Variants in CEMIP observed in about 807,000 individuals in gnomAD.
CEMIP encodes the protein cell migration inducing hyaluronidase 1.
In CEMIP, 105 loss-of-function variants were observed where a neutral mutation model predicts 156.9. The ratio of observed to expected loss-of-function variants is 0.67; its 90% CI spans 0.57 to 0.79. The LOEUF is 0.79. CEMIP is among the 30% of genes least tolerant of loss of function. The probability of loss-of-function intolerance (pLI) is 0.00; values close to 1 mark genes in which losing one functional copy is unlikely to be tolerated. For missense variants in CEMIP, 1,457 were observed against 1,769.4 expected (o/e 0.82, Z 3.17); for synonymous variants, 676 against 668.4 (o/e 1.01, Z -0.17).
intron 14 of CEMIP, among the ~76,000 whole-genome samples, chr15:80,911,387 A>C (rs1285574059): frequency 2.0e-5 from 3 of 152,230 alleles, no homozygotes. Context: ...ATTTTTGTTG[A>C]AGTTCTATTC....
At chr15:80,877,575 C>T (rs1440686379) in intron 3 of CEMIP, among the ~76,000 whole-genome samples, 1 of 152,200 alleles carries the variant, frequency 6.6e-6, no homozygotes, top group African/African-American at 2.4e-5. Flanking sequence ...TGTCCATTGT[C>T]TCTTCCCACC....
At chr15:80,799,294 G>A (rs1189980163) in intron 1 of CEMIP, among the ~76,000 whole-genome samples, 1 of 152,210 alleles carries the variant, frequency 6.6e-6, no homozygotes, top group African/African-American at 2.4e-5. Context: ...GTGAGCACGA[G>A]ATCTAGGCAG....
intron 1 of CEMIP, among the ~76,000 whole-genome samples, chr15:80,804,087 G>T (rs191513390): frequency 6.6e-6 from 1 of 152,184 alleles, no homozygotes; most frequent in Non-Finnish European, 1.5e-5. Context: ...CAGATCTTGC[G>T]ATACTTATTC....
chr15:80,922,383 G>T (rs942168899), intron 17 of CEMIP, among the ~76,000 whole-genome samples: 11 of 152,266 alleles, frequency 7.2e-5, no homozygotes, highest in Non-Finnish European at 1.6e-4. Context: ...GCCAAAAGGA[G>T]CAAGTTGTGC....
chr15:80,882,139 G>A (rs1023358601), intron 6 of CEMIP, among the ~76,000 whole-genome samples: 4 of 152,180 alleles, frequency 2.6e-5, no homozygotes, highest in Admixed American at 6.5e-5. Context: ...AGCCAGCTAC[G>A]GTCAGGGGCA....
At chr15:80,886,448 T>C (rs2141839179) in intron 7 of CEMIP, among the ~76,000 whole-genome samples, 1 of 152,272 alleles carries the variant, frequency 6.6e-6, no homozygotes, top group South Asian at 2.1e-4. Flanking sequence ...TAAACACCGT[T>C]CAATAGTGAT....
At chr15:80,836,899 C>A (rs1362760494) in intron 1 of CEMIP, among the ~76,000 whole-genome samples, 1 of 152,218 alleles carries the variant, frequency 6.6e-6, no homozygotes, top group Non-Finnish European at 1.5e-5. Context: ...AAGGGCTAAG[C>A]AGTGGAGTCC....
At chr15:80,889,310 A>G (rs948999885) in intron 9 of CEMIP, among the ~76,000 whole-genome samples, 161 bp from the exon 10 acceptor site, 1 of 152,274 alleles carries the variant, frequency 6.6e-6, no homozygotes, top group African/African-American at 2.4e-5. Context: ...ACATGGGAGC[A>G]TAGGCAGATT....
intron 1 of CEMIP, among the ~76,000 whole-genome samples, chr15:80,859,123 C>G (rs752102610): frequency 6.6e-6 from 1 of 152,212 alleles, no homozygotes; most frequent in Non-Finnish European, 1.5e-5. Context: ...CTGCACCAAT[C>G]ACAGCAGCCA....
intron 14 of CEMIP, among the ~76,000 whole-genome samples, chr15:80,914,880 T>C (rs921689724): frequency 1.3e-5 from 2 of 151,468 alleles, no homozygotes; most frequent in Non-Finnish European, 2.9e-5. Flanking sequence ...TCCCCCAAAA[T>C]TGGGGGATCA....
intron 1 of CEMIP, among the ~76,000 whole-genome samples, chr15:80,851,158 G>A (rs1343306265): frequency 6.6e-6 from 1 of 152,022 alleles, no homozygotes; most frequent in Non-Finnish European, 1.5e-5. Context: ...TGACTATGTG[G>A]GAGGGGGAGG....
rs1898585334 is a variant in CEMIP, at chr15:80,879,786, A to T, written c.312A>T (p.Gly104=). 2 of 1,614,176 alleles carry T rather than the reference A, an allele frequency of 1.2e-6. No individual in the cohort carries two copies. The highest frequency in any genetic ancestry group is 8.5e-7 in the Non-Finnish European group (1 of 1,180,016). ...LRTRHILIDN[G]GELHAGSALC... ...CCCGGCACATCCTGATTGACAACGGAGGAGAGCTGCATGCTGGGAGTGCCC... is the reference window on the plus strand; with the variant it reads ...CCCGGCACATCCTGATTGACAACGGTGGAGAGCTGCATGCTGGGAGTGCCC... The change falls in exon 5 of 30, where the codon GGA becomes GGT. Residue 104 remains glycine, a synonymous_variant. Transcript: ENST00000394685.
At chr15:80,927,361 C>G (rs1304115221) in intron 19 of CEMIP, among the ~76,000 whole-genome samples, 3 of 152,148 alleles carry the variant, frequency 2.0e-5, no homozygotes, top group Non-Finnish European at 4.4e-5. Context: ...CTGCCAGGCT[C>G]CTCATCCCTA....
At chr15:80,940,121 AT>A (rs1269850235) in intron 25 of CEMIP, among the ~76,000 whole-genome samples, 1 of 152,238 alleles carries the variant, frequency 6.6e-6, no homozygotes, top group African/African-American at 2.4e-5. Context: ...GTGCACAGCC[AT>A]CAGTAGCGCT....
chr15:80,948,850 C>G lies in CEMIP; in HGVS notation c.4012C>G (p.Leu1338Val), dbSNP rs201048326. The change falls in exon 30 of 30, where the codon CTG (leucine) becomes GTG (valine). Residue 1338 changes from leucine to valine, a missense_variant. Leu to Val is a conservative substitution (Grantham distance 32). This residue lies in a region of CEMIP where 798 missense variants were observed against 980.1 expected (regional missense o/e 0.81). Coordinates refer to ENST00000394685, the MANE Select transcript of CEMIP (RefSeq NM_001293298.2). ...CAGCTTCCGGCCCATCTGGGTGACA[C>G]TGGACACTGAGGATCACAAAGCCAA... ...KGSFRPIWVT[L>V]DTEDHKAKIF... 1.2e-6 allele frequency: 2 copies of G among 1,614,108 alleles called. No individual in the cohort carries two copies. The highest frequency in any genetic ancestry group is 1.7e-6 in the Non-Finnish European group (2 of 1,180,042).
intron 29 of CEMIP, 93 bp from the exon 30 acceptor site, chr15:80,948,704 C>A: frequency 6.5e-7 from 1 of 1,540,972 alleles, no homozygotes; most frequent in Non-Finnish European, 8.9e-7. Flanking sequence ...ACCTGGTGGG[C>A]GTGGGGGGCT....
intron 1 of CEMIP, among the ~76,000 whole-genome samples, chr15:80,787,418 G>C (rs575264320): frequency 5.3e-5 from 8 of 152,192 alleles, no homozygotes; most frequent in Non-Finnish European, 8.8e-5. Flanking sequence ...AGTTGCCTGG[G>C]GCTCCTTCTA....
intron 1 of CEMIP, among the ~76,000 whole-genome samples, chr15:80,844,195 A>G (rs1167312524): frequency 6.6e-6 from 1 of 152,228 alleles, no homozygotes; most frequent in South Asian, 2.1e-4. Flanking sequence ...GCAGCTGGTC[A>G]GTGGGCGTGG....
In CEMIP at chr15:80,924,656, C is replaced by T. The variant is rs748941243; in HGVS notation, c.2238C>T (p.Thr746=). Residue 746 remains threonine, a synonymous_variant, in exon 18 of 30, where the codon ACC becomes ACT. Coordinates refer to ENST00000394685, the MANE Select transcript of CEMIP (RefSeq NM_001293298.2). ...GMIIDNGVKT[T]EASAKDKRPF... ...TCATAGACAACGGAGTCAAAACCAC[C>T]GAGGCCTCTGCCAAGGACAAGCGGC... The T allele has an allele frequency of 3.9e-5, 63 of 1,614,224 alleles. No individual in the cohort carries two copies. Among genetic ancestry groups the T allele is most frequent in the Non-Finnish European group, 5.1e-5 (60 of 1,180,034 alleles).
Sources: allele counts gnomAD v4.1 joint callset (sites outside exome capture counted in the v4.1 genomes callset), GRCh38; gene constraint gnomAD v4.1.1; regional missense constraint gnomAD v4.1.1; transcripts MANE v1.5; gene names NCBI Gene and HGNC (gene_info 2026-07-23, HGNC 2026-07-21).